ZSCAN12: variants seen among roughly 807,000 people sequenced by gnomAD.
The protein encoded by ZSCAN12 is zinc finger and SCAN domain-containing protein 12.
A neutral mutation model predicts 23.4 loss-of-function variants in ZSCAN12; 18 were observed. That is an observed-to-expected ratio of 0.77 (90% CI 0.53 to 1.14). ZSCAN12 has a LOEUF of 1.14. ZSCAN12 is among the 50% of genes most tolerant of loss of function. The pLI is 0.00. For missense variants in ZSCAN12, 650 were observed against 735.0 expected (o/e 0.88, Z 1.34); for synonymous variants, 186 against 253.4 (o/e 0.73, Z 2.53).
chr6:28,384,101 T>A (rs1259610478), downstream of ZSCAN12, among the ~76,000 whole-genome samples: 1 of 152,208 alleles, frequency 6.6e-6, no homozygotes, highest in Non-Finnish European at 1.5e-5. Context: ...AAACTGAGAT[T>A]CGAACCATGG....
chr6:28,382,682 G>C, downstream of ZSCAN12: 1 of 1,490,960 alleles, frequency 6.7e-7, no homozygotes. Flanking sequence ...TCACTTATCT[G>C]AACAAGGCAC....
chr6:28,396,639 C>T (rs947006283), intron 2 of ZSCAN12, among the ~76,000 whole-genome samples: 1 of 151,810 alleles, frequency 6.6e-6, no homozygotes, highest in African/African-American at 2.4e-5. Context: ...GAGTCTCACT[C>T]TGTTGCCCAG....
chr6:28,383,302 C>G (rs1271416045), downstream of ZSCAN12, among the ~76,000 whole-genome samples: 1 of 152,220 alleles, frequency 6.6e-6, no homozygotes, highest in Non-Finnish European at 1.5e-5. Context: ...CCCCTGGCAG[C>G]TCTCAACCTA....
At chr6:28,392,183 C>CTT (rs754444783) in intron 3 of ZSCAN12, among the ~76,000 whole-genome samples, 2 of 142,786 alleles carry the variant, frequency 1.4e-5, no homozygotes, top group South Asian at 2.2e-4. Flanking sequence ...TTTTCTTTTT[C>CTT]TTTTTTTTTT....
At position 28,393,033 on chromosome 6, in the gene ZSCAN12, G is replaced by A. The variant is rs752697440; in HGVS notation, c.416C>T (p.Thr139Ile). The A allele has an allele frequency of 3.9e-6, 6 of 1,551,742 alleles. No individual in the cohort carries two copies. In the East Asian group the frequency reaches 1.2e-4, roughly 32 times the overall value. The change falls in exon 3 of 4, where the codon ACT (threonine) becomes ATT (isoleucine). Residue 139 changes from threonine to isoleucine, a missense_variant. By Grantham distance (89) the Thr-to-Ile change is moderately conservative. Transcript: ENST00000684592. ...DEPGEQVSVH[T>I]GEQEMFLQET... Reference sequence around the variant, plus strand: ...CTGCAAGAACATTTCCTGTTCCCCAGTGTGGACTGAGACCTGAGGAAAATG... The same window carrying A: ...CTGCAAGAACATTTCCTGTTCCCCAATGTGGACTGAGACCTGAGGAAAATG...
In ZSCAN12 at chr6:28,391,583, G is replaced by C; in HGVS notation, c.707C>G (p.Pro236Arg). Residue 236 changes from proline to arginine, a missense_variant, in exon 4 of 4, where the codon CCC becomes CGC. Physicochemically the swap from Pro to Arg is moderately radical, Grantham distance 103. Transcript: ENST00000684592. This position sits in a 1 kb window ranked among gnomAD's most constrained non-coding sequence, Gnocchi z 4.1. ...TREPEEITEEPSACSREDKQP... is the reference protein window; with the variant it reads ...TREPEEITEERSACSREDKQP... ...TTTATCTTCTCTGGAGCAAGCAGAG[G>C]GCTCTTCTGTTATTTCTTCAGGTTC... 6.4e-7 allele frequency: 1 copy of C among 1,552,220 alleles called. No individual in the cohort carries two copies.
At position 28,390,851 on chromosome 6, in the gene ZSCAN12, T is replaced by A; in HGVS notation, c.1439A>T (p.Gln480Leu). ...KCDVCEKAFIQRTSLTEHQRI... is the reference protein window; with the variant it reads ...KCDVCEKAFILRTSLTEHQRI... ...CTGATGTTCTGTAAGACTTGTCCTT[T>A]GAATAAAGGCTTTTTCACATACGTC... Residue 480 changes from glutamine (Q) to leucine (L), a missense_variant, in exon 4 of 4, where the codon CAA (glutamine) becomes CTA (leucine). Transcript: ENST00000684592. 6.3e-7 allele frequency: 1 copy of A among 1,586,986 alleles called. No individual in the cohort carries two copies. Among genetic ancestry groups the A allele is most frequent in the Non-Finnish European group, 8.6e-7 (1 of 1,165,886 alleles).
At chr6:28,396,088 T>C (rs1184757401) in intron 2 of ZSCAN12, among the ~76,000 whole-genome samples, 2 of 150,124 alleles carry the variant, frequency 1.3e-5, no homozygotes, top group Non-Finnish European at 3.0e-5. Flanking sequence ...GGTATGATCG[T>C]GGTTCACTGC....
chr6:28,379,136 G>T lies in ZSCAN12; in HGVS notation c.*3353C>A, dbSNP rs1329502293. Reference sequence around the variant, plus strand: ...CTCTCCTATCATGGGTAGAGATTGGGCTACATTATCAACTTGTTGACAGCT... The same window carrying T: ...CTCTCCTATCATGGGTAGAGATTGGTCTACATTATCAACTTGTTGACAGCT... On this transcript the variant is annotated 3_prime_UTR_variant, in exon 5 of 5. Transcript: ENST00000361028. 3 of 152,122 alleles carry T rather than the reference G, an allele frequency of 2.0e-5. No individual in the cohort carries two copies. In the East Asian group the frequency reaches 5.8e-4, roughly 29 times the overall value. The allele number at this position is 152,122 out of a possible 1,614,324, so 9.4% of individuals were successfully genotyped here.
At chr6:28,394,732 T>A (rs576785124) in intron 2 of ZSCAN12, among the ~76,000 whole-genome samples, 1 of 152,320 alleles carries the variant, frequency 6.6e-6, no homozygotes, top group Admixed American at 6.5e-5. Flanking sequence ...CCTCCCTAGC[T>A]ACTCTGTTTC....
chr6:28,392,366 C>A lies in ZSCAN12; in HGVS notation c.547+536G>T, dbSNP rs545575400. ...CTAATTTTTGTATTTTTAGTAGACA[C>A]GGGGTTTCACCATGTTGGTCAGGCT... On this transcript the variant is annotated intron_variant, in intron 3 of 3. Coordinates refer to ENST00000684592, the MANE Select transcript of ZSCAN12 (RefSeq NM_001163391.2). Among the ~76,000 whole-genome samples the A allele has an allele frequency of 3.3e-5, 5 of 152,092 alleles. No homozygotes were observed. In the South Asian group the frequency reaches 1.0e-3, roughly 32 times the overall value.
At chr6:28,396,000 A>G (rs1581783263) in intron 2 of ZSCAN12, among the ~76,000 whole-genome samples, 2 of 146,810 alleles carry the variant, frequency 1.4e-5, no homozygotes, top group South Asian at 4.3e-4. Context: ...TACCACCTAC[A>G]TCTTGTAGGT....
downstream of ZSCAN12, among the ~76,000 whole-genome samples, chr6:28,383,060 A>C (rs985945403): frequency 1.6e-4 from 24 of 152,196 alleles, no homozygotes; most frequent in African/African-American, 5.8e-4. Context: ...AATCTCACTG[A>C]CAGAGGAATA....
downstream of ZSCAN12, among the ~76,000 whole-genome samples, chr6:28,384,544 A>C (rs1234371910): frequency 2.0e-5 from 3 of 152,184 alleles, no homozygotes; most frequent in Non-Finnish European, 4.4e-5. Flanking sequence ...TATGAAGAGA[A>C]TCAACTGTCT....
chr6:28,392,927 T>C lies in ZSCAN12; in HGVS notation c.522A>G (p.Pro174=), dbSNP rs1421671937. 1.3e-6 allele frequency: 2 copies of C among 1,552,256 alleles called. No homozygotes were observed. The highest frequency in any genetic ancestry group is 8.7e-7 in the Non-Finnish European group (1 of 1,147,092). ...CTTGCTCCTGTTGGGATTCAAGTTC[T>C]GGAGATTCATACTTTGGCTGGGCTT... ...SMKAQPKYES[P]ELESQQEQVL... is the part of the protein sequence containing the mutation. The change falls in exon 3 of 4, where the codon CCA becomes CCG. Residue 174 remains proline, a synonymous_variant. Transcript: ENST00000684592.
In ZSCAN12 at chr6:28,391,996, A is replaced by G. The variant is rs1760865706; in HGVS notation, c.548-254T>C. 6.6e-6 allele frequency among the ~76,000 whole-genome samples: 1 copy of G among 152,216 alleles called. No individual in the cohort carries two copies. The highest frequency in any genetic ancestry group is 1.5e-5 in the Non-Finnish European group (1 of 68,038). Reference sequence around the variant, plus strand: ...GACTAGGTGGCTGGGAAAATCGAGTAGAATAGAAACTTTTCATTAAATAAC... The same window carrying G: ...GACTAGGTGGCTGGGAAAATCGAGTGGAATAGAAACTTTTCATTAAATAAC... On this transcript the variant is annotated intron_variant, in intron 3 of 3. Coordinates refer to ENST00000684592, the MANE Select transcript of ZSCAN12 (RefSeq NM_001163391.2). This position sits in a 1 kb window ranked among gnomAD's most constrained non-coding sequence, Gnocchi z 4.1.
chr6:28,380,463 A>G (rs2113951400), downstream of ZSCAN12: 1 of 152,610 alleles, frequency 6.6e-6, no homozygotes, highest in Non-Finnish European at 1.5e-5. Context: ...ACGAGTTTGT[A>G]TAAGGTTTCT....
Position 28,386,855 on chromosome 6 carries a change from G to A in ZSCAN12, c.*3599C>T, listed in dbSNP as rs1248770784. Among the ~76,000 whole-genome samples, 7 of 152,142 alleles carry A rather than the reference G, an allele frequency of 4.6e-5. No individual in the cohort carries two copies. Among genetic ancestry groups the A allele is most frequent in the Non-Finnish European group, 1.0e-4 (7 of 68,040 alleles). ...TTATTTTAATTTTTGTTGAGATGGAGTCTTGCTCTGTCACCAGGCGGGAGA... is the reference window on the plus strand; with the variant it reads ...TTATTTTAATTTTTGTTGAGATGGAATCTTGCTCTGTCACCAGGCGGGAGA... On this transcript the variant is annotated 3_prime_UTR_variant, in exon 4 of 4. Coordinates refer to ENST00000684592, the MANE Select transcript of ZSCAN12 (RefSeq NM_001163391.2).
intron 2 of ZSCAN12, 150 bp from the exon 3 acceptor site, chr6:28,393,196 T>A (rs899981265): frequency 1.3e-5 from 10 of 772,888 alleles, no homozygotes; most frequent in Non-Finnish European, 2.0e-5. Context: ...CCAATATAAA[T>A]GTCGCCTCCT....
Sources: allele counts gnomAD v4.1 joint callset (sites outside exome capture counted in the v4.1 genomes callset), GRCh38; gene constraint gnomAD v4.1.1; non-coding constraint Gnocchi (gnomAD v3.1); transcripts MANE v1.5; gene names NCBI Gene and HGNC (gene_info 2026-07-23, HGNC 2026-07-21).